Variants in DDX54 observed in about 807,000 individuals in gnomAD.
DDX54 encodes the protein DEAD-box helicase 54.
DDX54 carries 67 observed loss-of-function variants against 105.5 expected under a neutral mutation model. That is an observed-to-expected ratio of 0.64 (90% CI 0.52 to 0.78). The LOEUF (loss-of-function observed/expected upper bound fraction) is 0.78. Among genes scored for constraint, DDX54 ranks in the 30% least tolerant of loss-of-function variants. The pLI, the probability that DDX54 is intolerant of heterozygous loss-of-function variation, is 0.00. For synonymous variants in DDX54, 514 were observed against 509.9 expected, an observed-to-expected ratio of 1.01 and a Z score of -0.11; for missense variants, 1,206 against 1,230.5, an observed-to-expected ratio of 0.98 and a Z score of 0.30.
At position 113,185,260 on chromosome 12, in the gene DDX54, C is replaced by T. The variant is rs536222553; in HGVS notation, c.174+18G>A. 18 of 1,532,644 alleles carry T rather than the reference C, an allele frequency of 1.2e-5. No homozygotes were observed. In the African/African-American group the frequency reaches 2.5e-4, roughly 21 times the overall value. 94.9% of individuals were successfully genotyped at this position (1,532,644 alleles called of 1,614,324 possible). A position where few individuals can be genotyped will look rare whatever the true frequency, so the allele number is the denominator to read the frequency against. ...CGGGTCTCGGGCCCGAACATGCGTC[C>T]CAGCCCCACGCGCCTACCTTCCGGG... On this transcript the variant is annotated intron_variant, in intron 1 of 19. Transcript: ENST00000306014.
At chr12:113,182,829 T>C (rs1332299133) in intron 1 of DDX54, among the ~76,000 whole-genome samples, 1 of 151,992 alleles carries the variant, frequency 6.6e-6, no homozygotes, top group Non-Finnish European at 1.5e-5. Context: ...AGTGCTCGGA[T>C]TACAGGCATG....
In DDX54 at chr12:113,163,051, G is replaced by A. The variant is rs377125749; in HGVS notation, c.2082-6C>T. 231 of 1,608,994 alleles carry A rather than the reference G, an allele frequency of 1.4e-4. 2 individuals are homozygous for A. In the African/African-American group the frequency reaches 2.6e-3, roughly 18 times the overall value. ...CTTCCCCGCTGATGCTCAGGCTGCA[G>A]AGGGAGAGTGGGAGACATAATTGGA... On this transcript the variant is annotated splice_polypyrimidine_tract_variant and splice_region_variant and intron_variant, in intron 16 of 19. Transcript: ENST00000306014. This position sits in a 1 kb window ranked among gnomAD's most constrained non-coding sequence, Gnocchi z 5.9.
At position 113,185,263 on chromosome 12, in the gene DDX54, G is replaced by C; in HGVS notation, c.174+15C>G. On this transcript the variant is annotated intron_variant, in intron 1 of 19. Transcript: ENST00000306014. ...GTCTCGGGCCCGAACATGCGTCCCA[G>C]CCCCACGCGCCTACCTTCCGGGCCC... 1 of 1,537,266 alleles carries C rather than the reference G, an allele frequency of 6.5e-7. No homozygotes were observed. The highest frequency in any genetic ancestry group is 2.4e-5 in the East Asian group (1 of 41,398).
rs1952377673 is a variant in DDX54, at chr12:113,174,637, C to G, written c.1068+3G>C. ...TGCTCCTCCCACTCAGGACCCTGCT[C>G]ACCTCAGTGAGGTACTCGGCGTGGT... On this transcript the variant is annotated splice_donor_region_variant and intron_variant, in intron 10 of 19. Coordinates refer to ENST00000306014, the MANE Select transcript of DDX54 (RefSeq NM_024072.4). 6.2e-7 allele frequency: 1 copy of G among 1,611,016 alleles called. No individual in the cohort carries two copies. The highest frequency in any genetic ancestry group is 2.2e-5 in the East Asian group (1 of 44,746).
chr12:113,181,478 A>T (rs1285733332), intron 1 of DDX54, among the ~76,000 whole-genome samples: 37 of 142,016 alleles, frequency 2.6e-4, no homozygotes, highest in Non-Finnish European at 3.6e-4. Flanking sequence ...TTTTGTATTT[A>T]TTTTTTTTTT....
intron 12 of DDX54, 39 bp from the exon 13 acceptor site, chr12:113,166,071 C>T (rs750299066): frequency 1.3e-6 from 2 of 1,528,274 alleles, no homozygotes; most frequent in African/African-American, 1.4e-5. Context: ...GTCTTTCAGC[C>T]TGGCCCGCCT....
At chr12:113,165,483 G>A (rs1356585443) in intron 14 of DDX54, among the ~76,000 whole-genome samples, 161 bp downstream of exon 14, 3 of 151,220 alleles carry the variant, frequency 2.0e-5, no homozygotes, top group South Asian at 2.1e-4. Context: ...GCTATAAGAA[G>A]CTCAGATGAA....
At chr12:113,174,438 G>A (rs975250146) in intron 10 of DDX54, among the ~76,000 whole-genome samples, 27 of 152,294 alleles carry the variant, frequency 1.8e-4, no homozygotes, top group African/African-American at 4.8e-4. Context: ...AGTGAGCCAC[G>A]ATTGTGCCAC....
chr12:113,161,837 T>A (rs1255101428), intron 18 of DDX54, 56 bp downstream of exon 18: 4 of 731,142 alleles, frequency 5.5e-6, no homozygotes, highest in South Asian at 3.1e-5. Context: ...TAATTGAAGC[T>A]GCTCCTGCTG....
chr12:113,170,574 G>C (rs1179568066), intron 11 of DDX54, among the ~76,000 whole-genome samples: 1 of 152,204 alleles, frequency 6.6e-6, no homozygotes. Context: ...GGGAGTTCAA[G>C]CTTACAGTGA....
At chr12:113,162,085 C>A in intron 17 of DDX54, 88 bp from the exon 18 acceptor site, 1 of 1,242,388 alleles carries the variant, frequency 8.0e-7, no homozygotes, top group Admixed American at 1.7e-5. Context: ...TCACCCGACC[C>A]TCTTGTCAGG....
chr12:113,166,023 C>G lies in DDX54; in HGVS notation c.1424G>C (p.Gly475Ala), dbSNP rs1417671344. The change falls in exon 13 of 20, where the codon GGT becomes GCT. Residue 475 changes from glycine to alanine, a missense_variant. Gly to Ala is a moderately conservative substitution (Grantham distance 60). Around this residue, in one of 3 missense-constraint regions of DDX54, gnomAD observed 961 missense variants for 1,019.1 expected, o/e 0.94. Transcript: ENST00000306014. ...CACCCGACCCAGCATGCCATCCACACCGGCCACACCTGCACCCCACACAGC... is the reference window on the plus strand; with the variant it reads ...CACCCGACCCAGCATGCCATCCACAGCGGCCACACCTGCACCCCACACAGC... ...RPLKEPSGVA[G>A]VDGMLGRVPQ... 1 of 1,605,492 alleles carries G rather than the reference C, an allele frequency of 6.2e-7. No individual in the cohort carries two copies. The highest frequency in any genetic ancestry group is 2.2e-5 in the East Asian group (1 of 44,878).
chr12:113,179,901 C>T (rs751111749), intron 3 of DDX54, 34 bp downstream of exon 3: 2 of 1,612,694 alleles, frequency 1.2e-6, no homozygotes, highest in South Asian at 2.2e-5. Flanking sequence ...TCACTCCTCC[C>T]TCGCCCTCAC....
At chr12:113,175,246 CA>C in intron 7 of DDX54, 89 bp from the exon 8 acceptor site, 1 of 1,490,666 alleles carries the variant, frequency 6.7e-7, no homozygotes, top group South Asian at 1.3e-5. Context: ...ACAACTTCTG[CA>C]GTGTCCCAGG....
intron 12 of DDX54, among the ~76,000 whole-genome samples, chr12:113,167,318 A>G (rs1010038548): frequency 6.6e-6 from 1 of 152,192 alleles, no homozygotes; most frequent in South Asian, 2.1e-4. Flanking sequence ...TCAAGGGCGC[A>G]GTGAGCTGTG....
At chr12:113,167,886 C>T in intron 12 of DDX54, 1 of 487,196 alleles carries the variant, frequency 2.1e-6, no homozygotes, top group Non-Finnish European at 4.0e-6. Context: ...GCGCAGGGTC[C>T]ATTTCCTCCT....
intron 11 of DDX54, 108 bp from the exon 12 acceptor site, chr12:113,170,012 T>G (rs1474291512): frequency 2.7e-6 from 4 of 1,462,846 alleles, no homozygotes; most frequent in African/African-American, 1.4e-5. Flanking sequence ...GCCTCGAACC[T>G]CACACGGCTG....
At position 113,179,156 on chromosome 12, in the gene DDX54, T is replaced by C. The variant is rs371223267; in HGVS notation, c.551A>G (p.Lys184Arg). 6.8e-6 allele frequency: 11 copies of C among 1,613,820 alleles called. No individual in the cohort carries two copies. In the African/African-American group the frequency reaches 1.3e-4, roughly 20 times the overall value. The change falls in exon 4 of 20, where the codon AAG becomes AGG. Residue 184 changes from lysine to arginine, a missense_variant. Physicochemically the swap from Lys to Arg is conservative, Grantham distance 26 (BLOSUM62 2). Around this residue, in one of 3 missense-constraint regions of DDX54, gnomAD observed 961 missense variants for 1,019.1 expected, o/e 0.94. Transcript: ENST00000306014. ...PTRELALQTLKFTKELGKFTG... is the reference protein window; with the variant it reads ...PTRELALQTLRFTKELGKFTG... ...GCTCAGACACACCTCCTTAGTGAAC[T>C]TCAGGGTCTGCAGGGCCAGCTCTCG...
chr12:113,181,103 G>C (rs764584807), intron 1 of DDX54, 45 bp from the exon 2 acceptor site: 5 of 1,583,496 alleles, frequency 3.2e-6, no homozygotes, highest in Non-Finnish European at 2.6e-6. Context: ...AGGCACAGTG[G>C]GACCACAGGG....
Sources: allele counts gnomAD v4.1 joint callset (sites outside exome capture counted in the v4.1 genomes callset), GRCh38; gene constraint gnomAD v4.1.1; regional missense constraint gnomAD v4.1.1; non-coding constraint Gnocchi (gnomAD v3.1); transcripts MANE v1.5; gene names NCBI Gene and HGNC (gene_info 2026-07-23, HGNC 2026-07-21).